ATL1: variants seen among roughly 807,000 people sequenced by gnomAD.
The protein encoded by ATL1 is atlastin GTPase 1, also known as atlastin-1.
In ATL1, 31 loss-of-function variants were observed where a neutral mutation model predicts 75.5. The ratio of observed to expected loss-of-function variants is 0.41; its 90% CI spans 0.31 to 0.55. The LOEUF (loss-of-function observed/expected upper bound fraction) is 0.55, where lower values mean the gene tolerates loss of function less well. Among genes scored for constraint, ATL1 ranks in the 20% least tolerant of loss-of-function variants. The pLI is 0.27. For synonymous variants in ATL1, 226 were observed against 233.3 expected (o/e 0.97, Z 0.28); for missense variants, 405 against 662.6 (o/e 0.61, Z 4.27).
chr14:50,550,588 GTC>G (rs1420308430), intron 1 of ATL1, among the ~76,000 whole-genome samples: 28 of 152,226 alleles, frequency 1.8e-4, no homozygotes, highest in African/African-American at 6.5e-4. Flanking sequence ...ACTAGGGATT[GTC>G]TCTGCAGGAA....
chr14:50,597,708 T>G (rs1228280951), intron 6 of ATL1, among the ~76,000 whole-genome samples: 1 of 152,244 alleles, frequency 6.6e-6, no homozygotes, highest in Non-Finnish European at 1.5e-5. Flanking sequence ...ATTTTTTTTC[T>G]TTTTGAGACG....
intron 13 of ATL1, 57 bp from the exon 14 acceptor site, chr14:50,632,172 A>C: frequency 1.5e-6 from 2 of 1,324,116 alleles, no homozygotes; most frequent in East Asian, 2.4e-5. Flanking sequence ...AAAAGGAAAA[A>C]ATTTTACATC....
intron 1 of ATL1, among the ~76,000 whole-genome samples, chr14:50,570,707 T>A (rs2038947219): frequency 6.6e-6 from 1 of 152,222 alleles, no homozygotes; most frequent in Non-Finnish European, 1.5e-5. Flanking sequence ...CATATTGTCT[T>A]TCTCTAGGAC....
At position 50,620,643 on chromosome 14, in the gene ATL1, T is replaced by C. The variant is rs906993705; in HGVS notation, c.907T>C (p.Trp303Arg). The change falls in exon 9 of 14, where the codon TGG becomes CGG. Residue 303 changes from tryptophan (W) to arginine (R), a missense_variant. Trp to Arg is a moderately radical substitution (Grantham distance 101). Coordinates refer to ENST00000358385, the MANE Select transcript of ATL1 (RefSeq NM_015915.5). Reference protein sequence around the residue: ...FIKNLKILIPWLLSPESLDIK... With the variant: ...FIKNLKILIPRLLSPESLDIK... ...CAAAAACTTGAAAATACTGATTCCT[T>C]GGCTACTTAGTCCCGAGAGCCTAGA... 1 of 1,613,464 alleles carries C rather than the reference T, an allele frequency of 6.2e-7. No individual in the cohort carries two copies. The highest frequency in any genetic ancestry group is 1.7e-5 in the Admixed American group (1 of 59,984).
At chr14:50,533,365 A>C (rs1160376577) in exon 1 of ATL1, 5 of 152,158 alleles carry the variant, frequency 3.3e-5, no homozygotes, top group Non-Finnish European at 7.4e-5. Context: ...CAGCTTGAAG[A>C]GGGTAAGATT....
intron 8 of ATL1, among the ~76,000 whole-genome samples, chr14:50,620,376 T>C (rs1238285307): frequency 2.0e-5 from 3 of 152,160 alleles, no homozygotes; most frequent in Admixed American, 6.5e-5. Flanking sequence ...AGCTAACTTA[T>C]AGGTGGAAGA....
At chr14:50,547,821 T>C (rs1473163043) in intron 1 of ATL1, among the ~76,000 whole-genome samples, 2 of 152,198 alleles carry the variant, frequency 1.3e-5, no homozygotes, top group African/African-American at 4.8e-5. Context: ...ATTCCTTTAG[T>C]GGAAGATTTA....
chr14:50,560,676 C>T (rs545425689), intron 1 of ATL1, among the ~76,000 whole-genome samples: 77 of 152,360 alleles, frequency 5.1e-4, no homozygotes, highest in African/African-American at 1.6e-3. Flanking sequence ...TGTTGTTACT[C>T]GGCCCCAGAG....
chr14:50,632,612 G>A lies in ATL1; in HGVS notation c.*273G>A, dbSNP rs984804295. 25 of 261,100 alleles carry A rather than the reference G, an allele frequency of 9.6e-5. No homozygotes were observed. In the Admixed American group the frequency reaches 9.7e-4, roughly 10 times the overall value. The allele number at this position is 261,100 out of a possible 1,614,324, so 16.2% of individuals were successfully genotyped here. On this transcript the variant is annotated 3_prime_UTR_variant, in exon 14 of 14. Transcript: ENST00000358385. ...TTGTCTATTTATGATAACAGTACAC[G>A]TGTTCTGCTTGAATTTACTAAATTC...
At chr14:50,593,774 T>C (rs2039186248) in intron 4 of ATL1, 72 bp from the exon 5 acceptor site, 1 of 972,730 alleles carries the variant, frequency 1.0e-6, no homozygotes, top group East Asian at 2.4e-5. Flanking sequence ...TTTTTAAAAG[T>C]AGGGAATGAT....
In ATL1 at chr14:50,587,941, G is replaced by A. The variant is rs2039118256; in HGVS notation, c.145G>A (p.Asp49Asn). The change falls in exon 2 of 14, where the codon GAT (aspartate) becomes AAT (asparagine). Residue 49 changes from aspartate to asparagine, a missense_variant. Around this residue, in one of 5 missense-constraint regions of ATL1, gnomAD observed 126 missense variants for 172.0 expected, o/e 0.73. Coordinates refer to ENST00000358385, the MANE Select transcript of ATL1 (RefSeq NM_015915.5). The part of the protein sequence containing the change: ...IVKDDHSFEL[D>N]ETALNRILLS... ...CAAAGATGACCATTCCTTTGAGTTA[G>A]ATGAAACTGCATTAAATCGGATCCT... The A allele has an allele frequency of 6.2e-7, 1 of 1,614,072 alleles. No homozygotes were observed. Among genetic ancestry groups the A allele is most frequent in the African/African-American group, 1.3e-5 (1 of 74,922 alleles).
intron 4 of ATL1, among the ~76,000 whole-genome samples, chr14:50,592,356 A>G (rs1194565398): frequency 2.0e-5 from 3 of 152,222 alleles, no homozygotes; most frequent in African/African-American, 7.2e-5. Flanking sequence ...GATAGCTTAA[A>G]AAGGCAGAAA....
At chr14:50,560,024 T>A (rs532390689), upstream of ATL1, 1 of 580,022 alleles carries the variant, frequency 1.7e-6, no homozygotes, top group Non-Finnish European at 3.1e-6. Flanking sequence ...TGGACTGAGG[T>A]AGGGAGGGTG....
chr14:50,587,180 AAAGT>A (rs2039109780), intron 1 of ATL1, among the ~76,000 whole-genome samples: 1 of 152,178 alleles, frequency 6.6e-6, no homozygotes, highest in Non-Finnish European at 1.5e-5. Flanking sequence ...GGGGATAAAG[AAAGT>A]GTGAACTACA....
At position 50,625,986 on chromosome 14, in the gene ATL1, A is replaced by C. The variant is rs547624671; in HGVS notation, c.1120-2045A>C. On this transcript the variant is annotated intron_variant, in intron 11 of 13. Coordinates refer to ENST00000358385, the MANE Select transcript of ATL1 (RefSeq NM_015915.5). ...AAGAACAAAGCCTATGTAACAGTAC[A>C]GCTGTTTACAGCATGGGTTACTGAA... Among the ~76,000 whole-genome samples the C allele has an allele frequency of 2.0e-5, 3 of 152,360 alleles. No homozygotes were observed. The South Asian group carries it at 6.2e-4, about 32-fold the overall frequency.
intron 12 of ATL1, among the ~76,000 whole-genome samples, chr14:50,629,648 G>A (rs1435313087): frequency 6.6e-6 from 1 of 151,654 alleles, no homozygotes; most frequent in East Asian, 1.9e-4. Context: ...GCCTTTGAAG[G>A]ATCTAGCTGA....
chr14:50,630,306 A>C (rs2039567705), intron 13 of ATL1, among the ~76,000 whole-genome samples: 1 of 152,198 alleles, frequency 6.6e-6, no homozygotes, highest in Non-Finnish European at 1.5e-5. Context: ...GAAATGGTGG[A>C]CTCTGCTGTA....
intron 10 of ATL1, among the ~76,000 whole-genome samples, chr14:50,622,553 C>A (rs1026511870): frequency 2.6e-5 from 4 of 152,118 alleles, no homozygotes; most frequent in African/African-American, 9.7e-5. Context: ...GTAGTCCCAG[C>A]TACTTGGGAG....
intron 6 of ATL1, among the ~76,000 whole-genome samples, chr14:50,604,672 C>T (rs952974565): frequency 6.6e-6 from 1 of 151,990 alleles, no homozygotes; most frequent in Non-Finnish European, 1.5e-5. Context: ...GTGAGAGTGT[C>T]CAAAATATTT....
Sources: gnomAD v4.1 joint callset for allele counts (sites outside exome capture counted in the v4.1 genomes callset) on GRCh38, gnomAD v4.1.1 for gene constraint, gnomAD v4.1.1 regional missense constraint, MANE v1.5 for transcripts, NCBI Gene and HGNC (gene_info 2026-07-23, HGNC 2026-07-21) for gene names.